The following SLC5A6 variants were observed in gnomAD, a reference collection of about 807,000 sequenced individuals.
SLC5A6 encodes sodium-dependent multivitamin transporter.
SLC5A6 carries 31 observed loss-of-function variants against 67.9 expected under a neutral mutation model. That is an observed-to-expected ratio of 0.46 (90% CI 0.34 to 0.62). SLC5A6 has a LOEUF of 0.62. SLC5A6 is among the 20% of genes least tolerant of loss of function. SLC5A6 has a pLI of 0.01. For missense variants in SLC5A6, 673 were observed against 812.8 expected, an observed-to-expected ratio of 0.83 and a Z score of 2.09; for synonymous variants, 343 against 331.0, an observed-to-expected ratio of 1.04 and a Z score of -0.39.
chr2:27,203,742 G>T lies in SLC5A6; in HGVS notation c.1094+37C>A. ...TCACCTTGTACCAAATAGGGGTCAGGTGCACCAGGCCTGAGGGAAATCGTT... is the reference window on the plus strand; with the variant it reads ...TCACCTTGTACCAAATAGGGGTCAGTTGCACCAGGCCTGAGGGAAATCGTT... On this transcript the variant is annotated intron_variant, in intron 10 of 16. Transcript: ENST00000310574. The T allele has an allele frequency of 3.3e-6, 5 of 1,497,414 alleles. No homozygotes were observed. In the South Asian group the frequency reaches 5.6e-5, roughly 17 times the overall value. 92.8% of individuals were successfully genotyped at this position (1,497,414 alleles called of 1,614,324 possible).
intron 6 of SLC5A6, 54 bp downstream of exon 6, chr2:27,205,972 T>A: frequency 1.5e-6 from 2 of 1,298,194 alleles, no homozygotes; most frequent in Admixed American, 3.5e-5. Flanking sequence ...TCTTCCCATG[T>A]CCCCTCCTTA....
At position 27,200,490 on chromosome 2, in the gene SLC5A6, G is replaced by A. The variant is rs1315467058; in HGVS notation, c.1854C>T (p.Gly618=). The A allele has an allele frequency of 1.2e-6, 2 of 1,614,062 alleles. No homozygotes were observed. Among genetic ancestry groups the A allele is most frequent in the Non-Finnish European group, 1.7e-6 (2 of 1,179,948 alleles). Residue 618 remains glycine (G), a synonymous_variant, in exon 17 of 17, where the codon GGC becomes GGT. Coordinates refer to ENST00000310574, the MANE Select transcript of SLC5A6 (RefSeq NM_021095.4). ...SRDKEAMALD[G]TAYQGSSSTC... ...TGGAGCTGCTCCCCTGATAGGCTGTGCCATCCAGGGCCATGGCCTCCTTGT... is the reference window on the plus strand; with the variant it reads ...TGGAGCTGCTCCCCTGATAGGCTGTACCATCCAGGGCCATGGCCTCCTTGT...
In SLC5A6 at chr2:27,202,062, T is replaced by C. The variant is rs1382498412; in HGVS notation, c.1288A>G (p.Ile430Val). 2 of 1,613,518 alleles carry C rather than the reference T, an allele frequency of 1.2e-6. No homozygotes were observed. Among genetic ancestry groups the C allele is most frequent in the Non-Finnish European group, 1.7e-6 (2 of 1,179,510 alleles). The change falls in exon 13 of 17, where the codon ATC (isoleucine) becomes GTC (valine). Residue 430 changes from isoleucine to valine, a missense_variant. Transcript: ENST00000310574. Reference protein sequence around the residue: ...MGPVLQAAISIFGMVGGPLLG... With the variant: ...MGPVLQAAISVFGMVGGPLLG... The stretch of plus-strand genomic sequence containing the variant: ...AGCGGTCCCCCAACCATGCCAAAGA[T>C]GCTGATTGCTGCCTAGGAGGACAGG...
chr2:27,206,407 C>T lies in SLC5A6; in HGVS notation c.511+76G>A, dbSNP rs568943812. 2.0e-5 allele frequency: 27 copies of T among 1,364,986 alleles called. No homozygotes were observed. In the South Asian group the frequency reaches 2.8e-4, roughly 14 times the overall value. 84.6% of individuals were successfully genotyped at this position (1,364,986 alleles called of 1,614,324 possible). Reference sequence around the variant, plus strand: ...AAGGTCAGGTTCTTTTCCACATACGCTCCTCCATCTGCCTCTCCCAAAGGT... The same window carrying T: ...AAGGTCAGGTTCTTTTCCACATACGTTCCTCCATCTGCCTCTCCCAAAGGT... On this transcript the variant is annotated intron_variant, in intron 5 of 16. Coordinates refer to ENST00000310574, the MANE Select transcript of SLC5A6 (RefSeq NM_021095.4).
chr2:27,204,366 G>A, intron 9 of SLC5A6, 95 bp downstream of exon 9: 2 of 1,395,374 alleles, frequency 1.4e-6, no homozygotes, highest in African/African-American at 1.4e-5. Context: ...CCCACCCAGG[G>A]TGGGAGTCCT....
chr2:27,207,684 C>T lies in SLC5A6; in HGVS notation c.-34G>A. ...TGTGTCTGTGATCTGCAGCCAGTTGCTGCTCCAGGGCTCTGGGGTAGGGCA... is the reference window on the plus strand; with the variant it reads ...TGTGTCTGTGATCTGCAGCCAGTTGTTGCTCCAGGGCTCTGGGGTAGGGCA... On this transcript the variant is annotated 5_prime_UTR_variant, in exon 3 of 17. Transcript: ENST00000310574. This position sits in a 1 kb window ranked among gnomAD's most constrained non-coding sequence, Gnocchi z 5.5. The T allele has an allele frequency of 6.3e-7, 1 of 1,585,852 alleles. No individual in the cohort carries two copies. The highest frequency in any genetic ancestry group is 1.2e-5 in the South Asian group (1 of 86,514).
chr2:27,211,927 A>C, intron 1 of SLC5A6, 93 bp downstream of exon 1: 4 of 384,694 alleles, frequency 1.0e-5, no homozygotes, highest in East Asian at 5.8e-5. Context: ...GTGGGTAGCC[A>C]GAGCCCGGCC....
chr2:27,209,000 G>C (rs753689702), intron 2 of SLC5A6, among the ~76,000 whole-genome samples: 1 of 152,202 alleles, frequency 6.6e-6, no homozygotes, highest in Non-Finnish European at 1.5e-5. Context: ...AATCCCCCAA[G>C]AATACACCAC....
chr2:27,206,929 C>T lies in SLC5A6; in HGVS notation c.407G>A (p.Arg136Gln). The T allele has an allele frequency of 6.2e-6, 10 of 1,613,560 alleles. No homozygotes were observed. The highest frequency in any genetic ancestry group is 4.5e-5 in the East Asian group (2 of 44,874). ...ACACACTCGCACAGTTTTATTGAAT[C>T]GAAGCTCCAGGTACTGGGTATACAG... ...LTSAYEYLEL[R>Q]FNKTVRVCGT... The change falls in exon 4 of 17, where the codon CGA becomes CAA. Residue 136 changes from arginine (R) to glutamine (Q), a missense_variant. Coordinates refer to ENST00000310574, the MANE Select transcript of SLC5A6 (RefSeq NM_021095.4).
intron 14 of SLC5A6, 80 bp from the exon 15 acceptor site, chr2:27,201,533 G>T: frequency 7.4e-7 from 1 of 1,343,138 alleles, no homozygotes; most frequent in Non-Finnish European, 1.1e-6. Flanking sequence ...TTGCCCGCAT[G>T]GTCCCAGGGT....
chr2:27,206,474 ACTC>A lies in SLC5A6; in HGVS notation c.511+6_511+8del. On this transcript the variant is annotated splice_donor_region_variant and intron_variant, in intron 5 of 16. Coordinates refer to ENST00000310574, the MANE Select transcript of SLC5A6 (RefSeq NM_021095.4). ...ACGGCTGAAAGCCAGGGGCTGTGTGACTCCTCACCTGCATTGAGAGCCAATGAC... is the reference window on the plus strand; with the variant it reads ...ACGGCTGAAAGCCAGGGGCTGTGTGACTCACCTGCATTGAGAGCCAATGAC... 1 of 1,613,780 alleles carries A rather than the reference ACTC, an allele frequency of 6.2e-7. No individual in the cohort carries two copies. Among genetic ancestry groups the A allele is most frequent in the Non-Finnish European group, 8.5e-7 (1 of 1,179,746 alleles).
In SLC5A6 at chr2:27,207,715, G is replaced by T. The variant is rs988872353; in HGVS notation, c.-65C>A. 2 of 1,475,680 alleles carry T rather than the reference G, an allele frequency of 1.4e-6. No individual in the cohort carries two copies. The highest frequency in any genetic ancestry group is 9.3e-7 in the Non-Finnish European group (1 of 1,078,932). 91.4% of individuals were successfully genotyped at this position (1,475,680 alleles called of 1,614,324 possible). A position where few individuals can be genotyped will look rare whatever the true frequency, so the allele number is the denominator to read the frequency against. On this transcript the variant is annotated 5_prime_UTR_variant, in exon 3 of 17. Coordinates refer to ENST00000310574, the MANE Select transcript of SLC5A6 (RefSeq NM_021095.4). This position sits in a 1 kb window ranked among gnomAD's most constrained non-coding sequence, Gnocchi z 5.5. ...CAGGGCTCTGGGGTAGGGCAGGGGC[G>T]GATGTGTGGCTACAATCTGGCTTCC...
intron 5 of SLC5A6, 172 bp downstream of exon 5, chr2:27,206,311 T>A (rs781088541): frequency 2.8e-6 from 2 of 708,170 alleles, no homozygotes; most frequent in Non-Finnish European, 4.9e-6. Context: ...TAGCTGTCAA[T>A]TGAGGTGGAC....
In SLC5A6 at chr2:27,207,914, G is replaced by C; in HGVS notation, c.-140-124C>G. 3 of 505,096 alleles carry C rather than the reference G, an allele frequency of 5.9e-6. No individual in the cohort carries two copies. Among genetic ancestry groups the C allele is most frequent in the East Asian group, 6.3e-5 (2 of 31,988 alleles). The allele number at this position is 505,096 out of a possible 1,614,324, so 31.3% of individuals were successfully genotyped here. ...CATAGTGGTAGCCCTTCAAGGTCTA[G>C]AGGCCCTGGTATGGGTTTGGTAGGG... On this transcript the variant is annotated intron_variant, in intron 2 of 16. Coordinates refer to ENST00000310574, the MANE Select transcript of SLC5A6 (RefSeq NM_021095.4). The surrounding 1 kb of genome is among the most constrained non-coding windows in gnomAD (Gnocchi z 5.5).
chr2:27,205,203 A>G, intron 7 of SLC5A6, 147 bp downstream of exon 7: 1 of 812,388 alleles, frequency 1.2e-6, no homozygotes. Context: ...ATCACCCTCC[A>G]TCTCTGCAGG....
At position 27,206,902 on chromosome 2, in the gene SLC5A6, C is replaced by T. The variant is rs767575301; in HGVS notation, c.434G>A (p.Gly145Glu). Residue 145 changes from glycine (G) to glutamate (E), a missense_variant, in exon 4 of 17, where the codon GGA becomes GAA. Physicochemically the swap from Gly to Glu is moderately conservative, Grantham distance 98 (BLOSUM62 -2). Coordinates refer to ENST00000310574, the MANE Select transcript of SLC5A6 (RefSeq NM_021095.4). Reference protein sequence around the residue: ...LRFNKTVRVCGTVTFIFQMVI... With the variant: ...LRFNKTVRVCETVTFIFQMVI... ...CATCTGAAAGATGAAGGTCACAGTT[C>T]CACACACTCGCACAGTTTTATTGAA... 6.2e-7 allele frequency: 1 copy of T among 1,613,942 alleles called. No individual in the cohort carries two copies.
In SLC5A6 at chr2:27,202,463, C is replaced by G. The variant is rs140669124; in HGVS notation, c.1275+350G>C. Among the ~76,000 whole-genome samples, 99 of 140,408 alleles carry G rather than the reference C, an allele frequency of 7.1e-4. 1 individual carries two copies. The East Asian group carries it at 0.01, about 14-fold the overall frequency. The allele number at this position is 140,408 out of a possible 152,430, so 92.1% of individuals were successfully genotyped here. A position where few individuals can be genotyped will look rare whatever the true frequency, so the allele number is the denominator to read the frequency against. ...AGGTTGCAGTCAACTGAGATCGCGCCACTGCACTCCAGCCTGAGCAACAGA... is the reference window on the plus strand; with the variant it reads ...AGGTTGCAGTCAACTGAGATCGCGCGACTGCACTCCAGCCTGAGCAACAGA... On this transcript the variant is annotated intron_variant, in intron 12 of 16. Coordinates refer to ENST00000310574, the MANE Select transcript of SLC5A6 (RefSeq NM_021095.4).
At chr2:27,200,855 G>A in intron 16 of SLC5A6, 143 bp downstream of exon 16, 1 of 638,602 alleles carries the variant, frequency 1.6e-6, no homozygotes, top group Non-Finnish European at 2.8e-6. Flanking sequence ...ACCTGAGACA[G>A]CCGTGTGGGA....
Position 27,202,879 on chromosome 2 carries a change from G to A in SLC5A6, c.1209C>T (p.Ala403=), listed in dbSNP as rs554339311. 2.5e-6 allele frequency: 4 copies of A among 1,613,672 alleles called. No homozygotes were observed. The African/African-American group carries it at 4.0e-5, about 16-fold the overall frequency. ...ARAIMLSRGL[A]FGYGLLCLGM... is the part of the protein sequence containing the mutation. Reference sequence around the variant, plus strand: ...CTAGACAAAGCAGCCCATAGCCAAAGGCTGGGGGAAAAGGACAGGAGAGGA... The same window carrying A: ...CTAGACAAAGCAGCCCATAGCCAAAAGCTGGGGGAAAAGGACAGGAGAGGA... The change falls in exon 12 of 17, where the codon GCC becomes GCT. Residue 403 remains alanine (A), a splice_region_variant and synonymous_variant. Coordinates refer to ENST00000310574, the MANE Select transcript of SLC5A6 (RefSeq NM_021095.4).
Sources: gnomAD v4.1 joint callset for allele counts (sites outside exome capture counted in the v4.1 genomes callset) on GRCh38, gnomAD v4.1.1 for gene constraint, Gnocchi (gnomAD v3.1) non-coding constraint, MANE v1.5 for transcripts, NCBI Gene and HGNC (gene_info 2026-07-23, HGNC 2026-07-21) for gene names.